The following PRKAG2 variants were observed in gnomAD, a reference collection of about 807,000 sequenced individuals.
The protein encoded by PRKAG2 is 5'-AMP-activated protein kinase subunit gamma-2.
A neutral mutation model predicts 69.6 loss-of-function variants in PRKAG2; 26 were observed. The ratio of observed to expected loss-of-function variants is 0.37; its 90% CI spans 0.27 to 0.52. PRKAG2 has a LOEUF of 0.52. Ranked by LOEUF, PRKAG2 falls within the 20% of genes least tolerant of loss-of-function variation. The pLI, the probability that PRKAG2 is intolerant of heterozygous loss-of-function variation, is 0.90. For synonymous variants in PRKAG2, 293 were observed against 285.0 expected, an observed-to-expected ratio of 1.03 and a Z score of -0.28; for missense variants, 557 against 740.0, an observed-to-expected ratio of 0.75 and a Z score of 2.87.
chr7:151,827,509 G>C (rs565498457), intron 1 of PRKAG2, among the ~76,000 whole-genome samples: 13 of 152,234 alleles, frequency 8.5e-5, no homozygotes, highest in South Asian at 2.1e-4. Flanking sequence ...AAAGTGCTGG[G>C]ATTACAGGTG....
At chr7:151,624,343 G>T (rs1182699044) in intron 5 of PRKAG2, among the ~76,000 whole-genome samples, 1 of 151,642 alleles carries the variant, frequency 6.6e-6, no homozygotes, top group East Asian at 1.9e-4. Flanking sequence ...TAGAGAGAGG[G>T]TTTCGCCATG....
chr7:151,572,329 A>G (rs1392111864), intron 9 of PRKAG2: 2 of 186,322 alleles, frequency 1.1e-5, no homozygotes, highest in African/African-American at 4.7e-5. Context: ...ACCAAGGCAA[A>G]TCTCTGAGGG....
At chr7:151,701,239 T>C (rs1837639843) in intron 3 of PRKAG2, among the ~76,000 whole-genome samples, 1 of 152,226 alleles carries the variant, frequency 6.6e-6, no homozygotes, top group Admixed American at 6.5e-5. Flanking sequence ...AGTCTCTACC[T>C]GTGCTGTCCA....
At chr7:151,689,981 G>A (rs1835410945) in intron 3 of PRKAG2, among the ~76,000 whole-genome samples, 1 of 152,200 alleles carries the variant, frequency 6.6e-6, no homozygotes, top group Non-Finnish European at 1.5e-5. Context: ...CCACGGAGGA[G>A]GAAGAGAAGA....
At chr7:151,608,740 A>G (rs931438871) in intron 5 of PRKAG2, among the ~76,000 whole-genome samples, 2 of 152,042 alleles carry the variant, frequency 1.3e-5, no homozygotes, top group Non-Finnish European at 2.9e-5. Context: ...ATAAAAAAAC[A>G]AAACAAAACA....
At chr7:151,769,383 G>A (rs2075906826) in intron 3 of PRKAG2, among the ~76,000 whole-genome samples, 1 of 152,220 alleles carries the variant, frequency 6.6e-6, no homozygotes, top group Non-Finnish European at 1.5e-5. Flanking sequence ...CAGTGGAGTA[G>A]GGTGGGCTCT....
At chr7:151,573,210 T>C (rs112258991) in intron 8 of PRKAG2, among the ~76,000 whole-genome samples, 21,772 of 150,724 alleles carry the variant, frequency 0.14, 1,694 homozygotes, top group African/African-American at 0.18. Flanking sequence ...CGGGCTGGAG[T>C]GCACAAGTGC....
At chr7:151,684,935 C>T (rs1006116368) in intron 3 of PRKAG2, among the ~76,000 whole-genome samples, 2 of 152,144 alleles carry the variant, frequency 1.3e-5, no homozygotes, top group Non-Finnish European at 2.9e-5. Context: ...GCTGGTCACC[C>T]CCAAGACAAG....
At chr7:151,843,821 C>A (rs571651551) in intron 1 of PRKAG2, among the ~76,000 whole-genome samples, 302 of 152,342 alleles carry the variant, frequency 2.0e-3, no homozygotes, top group Non-Finnish European at 3.4e-3. Flanking sequence ...TGGTTAAGAT[C>A]GGATAGAAAT....
chr7:151,747,429 C>T (rs570445306), intron 3 of PRKAG2, among the ~76,000 whole-genome samples: 7 of 152,002 alleles, frequency 4.6e-5, no homozygotes, highest in Admixed American at 2.0e-4. Flanking sequence ...TGGTGGCGGG[C>T]GCCTGTAATC....
intron 1 of PRKAG2, among the ~76,000 whole-genome samples, chr7:151,811,560 G>A (rs2078423390): frequency 6.6e-6 from 1 of 152,238 alleles, no homozygotes; most frequent in African/African-American, 2.4e-5. Context: ...GGACTCCAGG[G>A]CCTTAACTCA....
intron 1 of PRKAG2, among the ~76,000 whole-genome samples, chr7:151,833,320 G>A (rs922259650): frequency 6.6e-6 from 1 of 152,172 alleles, no homozygotes; most frequent in African/African-American, 2.4e-5. Flanking sequence ...GCAGGGCTCG[G>A]GAGTGTGCAG....
chr7:151,813,122 G>A (rs182948865), intron 1 of PRKAG2, among the ~76,000 whole-genome samples: 58 of 152,244 alleles, frequency 3.8e-4, no homozygotes, highest in Non-Finnish European at 5.9e-4. Flanking sequence ...CTCTGACTGC[G>A]TCCCAGGGAG....
intron 1 of PRKAG2, chr7:151,809,333 ACT>A: frequency 2.2e-6 from 1 of 448,554 alleles, no homozygotes. Flanking sequence ...TCATCCAGAG[ACT>A]CTCGCAGTCC....
chr7:151,861,527 C>CAAAAAAAAAAAAA (rs1563762540), intron 1 of PRKAG2, among the ~76,000 whole-genome samples: 5 of 60,396 alleles, frequency 8.3e-5, no homozygotes, highest in East Asian at 3.5e-4. Flanking sequence ...GACTCTGTCT[C>CAAAAAAAAAAAAA]CAAAAAAAAA....
At chr7:151,712,551 C>T (rs1795498721) in intron 3 of PRKAG2, among the ~76,000 whole-genome samples, 2 of 152,244 alleles carry the variant, frequency 1.3e-5, no homozygotes, top group Non-Finnish European at 2.9e-5. Context: ...GATGAGCTGA[C>T]ACCCGGCCAG....
chr7:151,672,579 C>T (rs916991879), intron 4 of PRKAG2, among the ~76,000 whole-genome samples: 1 of 151,898 alleles, frequency 6.6e-6, no homozygotes, highest in Non-Finnish European at 1.5e-5. Flanking sequence ...TTCTACATTC[C>T]GTCTCTATTT....
intron 4 of PRKAG2, among the ~76,000 whole-genome samples, chr7:151,647,690 T>C (rs956821617): frequency 7.2e-5 from 11 of 152,158 alleles, no homozygotes; most frequent in Admixed American, 2.6e-4. Context: ...GAAAGAAAGA[T>C]TGGAGACCAC....
At chr7:151,732,762 G>C (rs900854649) in intron 3 of PRKAG2, among the ~76,000 whole-genome samples, 17 of 152,218 alleles carry the variant, frequency 1.1e-4, no homozygotes, top group Non-Finnish European at 1.0e-4. Context: ...GCATAATCTT[G>C]GCTCACTGCA....
Sources: allele counts gnomAD v4.1 joint callset (sites outside exome capture counted in the v4.1 genomes callset), GRCh38; gene constraint gnomAD v4.1.1; transcripts MANE v1.5; gene names NCBI Gene and HGNC (gene_info 2026-07-23, HGNC 2026-07-21).